OPCML: variants seen among roughly 807,000 people sequenced by gnomAD.
OPCML encodes the protein opioid-binding protein/cell adhesion molecule.
OPCML carries 13 observed loss-of-function variants against 37.8 expected under a neutral mutation model. The observed-to-expected ratio is 0.34, with a 90% CI of 0.22 to 0.55. The LOEUF (loss-of-function observed/expected upper bound fraction) is 0.55. OPCML is among the 20% of genes least tolerant of loss of function. The pLI, the probability that OPCML is intolerant of heterozygous loss-of-function variation, is 0.91. For missense variants in OPCML, 341 were observed against 435.6 expected, an observed-to-expected ratio of 0.78 and a Z score of 1.93; for synonymous variants, 176 against 168.8, an observed-to-expected ratio of 1.04 and a Z score of -0.33.
chr11:133,180,868 G>A (rs182488703), intron 1 of OPCML, among the ~76,000 whole-genome samples: 155 of 151,690 alleles, frequency 1.0e-3, no homozygotes, highest in African/African-American at 3.7e-3. Flanking sequence ...GGGGATGAGG[G>A]AAAGTAGGAT....
intron 2 of OPCML, among the ~76,000 whole-genome samples, chr11:132,791,923 G>GA (rs1937939858): frequency 6.6e-6 from 1 of 152,152 alleles, no homozygotes; most frequent in Non-Finnish European, 1.5e-5. Context: ...GGCTGGTGGT[G>GA]ATTAGTACAA....
chr11:133,175,135 G>T (rs1235260371), intron 1 of OPCML, among the ~76,000 whole-genome samples: 1 of 152,186 alleles, frequency 6.6e-6, no homozygotes, highest in East Asian at 1.9e-4. Flanking sequence ...CATAATAAAA[G>T]ATTTTCTTGG....
intron 1 of OPCML, among the ~76,000 whole-genome samples, chr11:133,200,705 C>A (rs1244374659): frequency 6.6e-6 from 1 of 152,076 alleles, no homozygotes; most frequent in Non-Finnish European, 1.5e-5. Context: ...CAATATGTTC[C>A]AATATTTCCC....
chr11:132,686,729 A>G (rs1943172368), intron 2 of OPCML, among the ~76,000 whole-genome samples: 1 of 152,192 alleles, frequency 6.6e-6, no homozygotes, highest in African/African-American at 2.4e-5. Context: ...TAGGACTGTC[A>G]AAACTTTATA....
At chr11:133,239,847 A>G (rs1233717578) in intron 1 of OPCML, among the ~76,000 whole-genome samples, 4 of 152,164 alleles carry the variant, frequency 2.6e-5, no homozygotes, top group Non-Finnish European at 5.9e-5. Flanking sequence ...GCACTCCACC[A>G]CCAGGTAGGG....
In OPCML at chr11:133,384,254, AAAAAAAAAAAAG is replaced by A. The variant is rs1055811526; in HGVS notation, c.61+147998_61+148009del. Among the ~76,000 whole-genome samples the A allele has an allele frequency of 2.8e-5, 4 of 142,588 alleles. No individual in the cohort carries two copies. In the East Asian group the frequency reaches 6.3e-4, roughly 22 times the overall value. 93.5% of individuals were successfully genotyped at this position (142,588 alleles called of 152,430 possible). A position where few individuals can be genotyped will look rare whatever the true frequency, so the allele number is the denominator to read the frequency against. On this transcript the variant is annotated intron_variant, in intron 1 of 7. Transcript: ENST00000524381. ...AAGCCAAAGGCCACTGTGCAAAAAA[AAAAAAAAAAAAG>A]AAAAGAAAAGAAAAGAAAAAGAAAA...
chr11:132,739,215 C>G, intron 2 of OPCML, among the ~76,000 whole-genome samples: 1 of 152,200 alleles, frequency 6.6e-6, no homozygotes, highest in Non-Finnish European at 1.5e-5. Context: ...TTGTCACTTC[C>G]CTATACATTT....
chr11:132,617,042 T>C (rs979431629), intron 3 of OPCML, among the ~76,000 whole-genome samples: 4 of 152,230 alleles, frequency 2.6e-5, no homozygotes, highest in African/African-American at 9.6e-5. Context: ...ATTAGAAGTA[T>C]ATGTTGCAGA....
At chr11:132,936,565 C>A (rs537650833) in intron 2 of OPCML, among the ~76,000 whole-genome samples, 17 of 152,232 alleles carry the variant, frequency 1.1e-4, no homozygotes, top group African/African-American at 3.9e-4. Flanking sequence ...TGGGCTCTTG[C>A]AGGTTTTGTT....
intron 2 of OPCML, among the ~76,000 whole-genome samples, chr11:132,913,808 T>C (rs1178617935): frequency 3.3e-5 from 5 of 152,192 alleles, no homozygotes; most frequent in Non-Finnish European, 7.3e-5. Flanking sequence ...TAAAAATCCA[T>C]ATCTGCTTTA....
chr11:132,951,339 G>A (rs1400081480), intron 1 of OPCML, among the ~76,000 whole-genome samples: 2 of 152,132 alleles, frequency 1.3e-5, no homozygotes, highest in Non-Finnish European at 2.9e-5. Context: ...ATGCTCCGAC[G>A]AGGGCTCTCT....
chr11:133,127,618 G>C (rs1949536642), intron 1 of OPCML, among the ~76,000 whole-genome samples: 1 of 149,988 alleles, frequency 6.7e-6, no homozygotes, highest in African/African-American at 2.5e-5. Flanking sequence ...GGGTGACAGA[G>C]AGAGGCTCTG....
At chr11:132,608,939 G>C (rs1037881059) in intron 3 of OPCML, among the ~76,000 whole-genome samples, 1 of 151,678 alleles carries the variant, frequency 6.6e-6, no homozygotes, top group Non-Finnish European at 1.5e-5. Context: ...TCTTTTCATT[G>C]CCACCACTTT....
chr11:133,290,409 A>G (rs986902826), intron 1 of OPCML, among the ~76,000 whole-genome samples: 2 of 152,154 alleles, frequency 1.3e-5, no homozygotes, highest in African/African-American at 4.8e-5. Flanking sequence ...CAATCAATGG[A>G]CAAATCAAAA....
chr11:133,276,528 A>T (rs149607801), intron 1 of OPCML, among the ~76,000 whole-genome samples: 33 of 152,342 alleles, frequency 2.2e-4, no homozygotes, highest in Non-Finnish European at 3.7e-4. Flanking sequence ...TGTTAATAAA[A>T]TGTCGGTGCT....
intron 1 of OPCML, among the ~76,000 whole-genome samples, chr11:133,379,156 T>C (rs148686413): frequency 4.0e-4 from 61 of 152,322 alleles, no homozygotes; most frequent in African/African-American, 1.4e-3. Flanking sequence ...CTATCAATAA[T>C]AATTTTTCAA....
chr11:133,112,396 A>ACATTTGTT (rs887606957), intron 1 of OPCML, among the ~76,000 whole-genome samples: 1 of 152,102 alleles, frequency 6.6e-6, no homozygotes, highest in Non-Finnish European at 1.5e-5. Context: ...CTAAAAATCA[A>ACATTTGTT]CATTTGTTGT....
chr11:133,363,338 G>T (rs911209091), intron 1 of OPCML, among the ~76,000 whole-genome samples: 1 of 152,174 alleles, frequency 6.6e-6, no homozygotes, highest in African/African-American at 2.4e-5. Context: ...GAGGGCCGAG[G>T]GGTGGGGCGC....
chr11:133,311,794 A>T (rs947681307), intron 1 of OPCML, among the ~76,000 whole-genome samples: 3 of 152,192 alleles, frequency 2.0e-5, no homozygotes, highest in Admixed American at 6.5e-5. Flanking sequence ...GCATAGAGAA[A>T]TTATTAAAGT....
Sources: gnomAD v4.1 joint callset for allele counts (sites outside exome capture counted in the v4.1 genomes callset) on GRCh38, gnomAD v4.1.1 for gene constraint, MANE v1.5 for transcripts, NCBI Gene and HGNC (gene_info 2026-07-23, HGNC 2026-07-21) for gene names.